Variants in TNF observed in about 807,000 individuals in gnomAD.
TNF encodes the protein tumor necrosis factor.
Under a neutral mutation model 21.8 loss-of-function variants are expected in TNF, and 7 were observed. The observed-to-expected ratio is 0.32, with a 90% CI of 0.18 to 0.60. TNF has a LOEUF of 0.60. Ranked by LOEUF, TNF falls within the 20% of genes least tolerant of loss-of-function variation. The pLI, the probability that TNF is intolerant of heterozygous loss-of-function variation, is 0.84. For synonymous variants in TNF, 123 were observed against 130.2 expected, an observed-to-expected ratio of 0.94 and a Z score of 0.38; for missense variants, 216 against 296.6, an observed-to-expected ratio of 0.73 and a Z score of 2.00.
In TNF at chr6:31,577,371, G is replaced by A. The variant is rs1771235417; in HGVS notation, c.536G>A (p.Arg179Lys). 6.2e-7 allele frequency: 1 copy of A among 1,613,006 alleles called. No homozygotes were observed. Among genetic ancestry groups the A allele is most frequent in the South Asian group, 1.1e-5 (1 of 91,094 alleles). The change falls in exon 4 of 4, where the codon AGG becomes AAG. Residue 179 changes from arginine to lysine, a missense_variant. By Grantham distance (26) the Arg-to-Lys change is conservative (BLOSUM62 2). This residue lies in a region of TNF where 98 missense variants were observed against 169.6 expected (regional missense o/e 0.58). Transcript: ENST00000449264. The surrounding 1 kb of genome is among the most constrained non-coding windows in gnomAD (Gnocchi z 7.7). The stretch of plus-strand genomic sequence containing the variant: ...TCTGCCATCAAGAGCCCCTGCCAGA[G>A]GGAGACCCCAGAGGGGGCTGAGGCC... The part of the protein sequence containing the change: ...LLSAIKSPCQ[R>K]ETPEGAEAKP...
chr6:31,576,969 C>A, intron 3 of TNF, 147 bp from the exon 4 acceptor site: 1 of 1,354,062 alleles, frequency 7.4e-7, no homozygotes. Context: ...GTGGGATACT[C>A]AGAACGTCAT....
In TNF at chr6:31,575,604, AAG is replaced by A. The variant is rs4647199; in HGVS notation, c.-135_-134del. 2 of 771,934 alleles carry A rather than the reference AAG, an allele frequency of 2.6e-6. No homozygotes were observed. The highest frequency in any genetic ancestry group is 1.9e-5 in the South Asian group (1 of 52,964). 47.8% of individuals were successfully genotyped at this position (771,934 alleles called of 1,614,324 possible). Reference sequence around the variant, plus strand: ...CAGCAAGGACAGCAGAGGACCAGCTAAGAGGGAGAGAAGCAACTACAGACCCC... The same window carrying A: ...CAGCAAGGACAGCAGAGGACCAGCTAAGGGAGAGAAGCAACTACAGACCCC... On this transcript the variant is annotated 5_prime_UTR_variant, in exon 1 of 4. Transcript: ENST00000449264. This position sits in a 1 kb window ranked among gnomAD's most constrained non-coding sequence, Gnocchi z 6.2.
Position 31,576,526 on chromosome 6 carries a change from C to T in TNF, c.187-8C>T, listed in dbSNP as rs1447861214. On this transcript the variant is annotated splice_polypyrimidine_tract_variant and splice_region_variant and intron_variant, in intron 1 of 3. Transcript: ENST00000449264. ...CTCGATGTTAACCATTCTCCTTCTC[C>T]CCAACAGTTCCCCAGGGACCTCTCT... 2.5e-6 allele frequency: 4 copies of T among 1,613,662 alleles called. No homozygotes were observed. The highest frequency in any genetic ancestry group is 3.4e-6 in the Non-Finnish European group (4 of 1,179,868).
rs749414660 is a variant in TNF at position 31,576,522 on chromosome 6, T to G, written c.187-12T>G. 28 of 1,613,350 alleles carry G rather than the reference T, an allele frequency of 1.7e-5. No individual in the cohort carries two copies. In the Admixed American group the frequency reaches 4.7e-4, roughly 27 times the overall value. On this transcript the variant is annotated splice_polypyrimidine_tract_variant and intron_variant, in intron 1 of 3. Transcript: ENST00000449264. ...CTCCCTCGATGTTAACCATTCTCCTTCTCCCCAACAGTTCCCCAGGGACCT... is the reference window on the plus strand; with the variant it reads ...CTCCCTCGATGTTAACCATTCTCCTGCTCCCCAACAGTTCCCCAGGGACCT...
intron 3 of TNF, 49 bp downstream of exon 3, chr6:31,576,863 G>A: frequency 6.2e-7 from 1 of 1,602,946 alleles, no homozygotes; most frequent in Non-Finnish European, 8.5e-7. Flanking sequence ...TAGGATTTGG[G>A]GATTGAAGCC....
Position 31,575,853 on chromosome 6 carries a change from T to C in TNF, c.112T>C (p.Phe38Leu), listed in dbSNP as rs757794184. 3 of 1,611,920 alleles carry C rather than the reference T, an allele frequency of 1.9e-6. No homozygotes were observed. The highest frequency in any genetic ancestry group is 1.7e-4 in the Middle Eastern group (1 of 6,044). ...GTGCTTGTTCCTCAGCCTCTTCTCC[T>C]TCCTGATCGTGGCAGGCGCCACCAC... Reference protein sequence around the residue: ...RRCLFLSLFSFLIVAGATTLF... With the variant: ...RRCLFLSLFSLLIVAGATTLF... Residue 38 changes from phenylalanine (F) to leucine (L), a missense_variant, in exon 1 of 4, where the codon TTC becomes CTC. Phe to Leu is a conservative substitution (Grantham distance 22). This residue lies in a region of TNF where 118 missense variants were observed against 127.1 expected (regional missense o/e 0.93). Transcript: ENST00000449264. The surrounding 1 kb of genome is among the most constrained non-coding windows in gnomAD (Gnocchi z 6.2).
At position 31,576,552 on chromosome 6, in the gene TNF, C is replaced by G. The variant is rs759609722; in HGVS notation, c.205C>G (p.Leu69Val). 16 of 1,613,782 alleles carry G rather than the reference C, an allele frequency of 9.9e-6. No homozygotes were observed. The highest frequency in any genetic ancestry group is 1.4e-5 in the Non-Finnish European group (16 of 1,179,996). The change falls in exon 2 of 4, where the codon CTA becomes GTA. Residue 69 changes from leucine (L) to valine (V), a missense_variant. By Grantham distance (32) the Leu-to-Val change is conservative. Coordinates refer to ENST00000449264, the MANE Select transcript of TNF (RefSeq NM_000594.4). ...QREEFPRDLS[L>V]ISPLAQAVRS... ...CCAACAGTTCCCCAGGGACCTCTCT[C>G]TAATCAGCCCTCTGGCCCAGGCAGT...
At chr6:31,576,038 A>G in intron 1 of TNF, 111 bp downstream of exon 1, 1 of 1,176,484 alleles carries the variant, frequency 8.5e-7, no homozygotes. Context: ...GGAGGGATGG[A>G]GAGAAAAAAA....
rs780711335 is a variant in TNF at position 31,577,480 on chromosome 6, C to G, written c.645C>G (p.Pro215=). Residue 215 remains proline, a synonymous_variant, in exon 4 of 4, where the codon CCC becomes CCG. Coordinates refer to ENST00000449264, the MANE Select transcript of TNF (RefSeq NM_000594.4). This position sits in a 1 kb window ranked among gnomAD's most constrained non-coding sequence, Gnocchi z 7.7. ...GACTCAGCGCTGAGATCAATCGGCC[C>G]GACTATCTCGACTTTGCCGAGTCTG... ...GDRLSAEINR[P]DYLDFAESGQ... The G allele has an allele frequency of 6.2e-7, 1 of 1,613,058 alleles. No homozygotes were observed. Among genetic ancestry groups the G allele is most frequent in the Non-Finnish European group, 8.5e-7 (1 of 1,180,026 alleles).
At position 31,575,970 on chromosome 6, in the gene TNF, G is replaced by A. The variant is rs1436580177; in HGVS notation, c.186+43G>A. 4 of 1,444,634 alleles carry A rather than the reference G, an allele frequency of 2.8e-6. No individual in the cohort carries two copies. Among genetic ancestry groups the A allele is most frequent in the Non-Finnish European group, 1.8e-6 (2 of 1,091,618 alleles). 89.5% of individuals were successfully genotyped at this position (1,444,634 alleles called of 1,614,324 possible). ...CTTCATCCACTCTCCCACCCAAGGGGAAATGGAGACGCAAGAGAGGGAGAG... is the reference window on the plus strand; with the variant it reads ...CTTCATCCACTCTCCCACCCAAGGGAAAATGGAGACGCAAGAGAGGGAGAG... On this transcript the variant is annotated intron_variant, in intron 1 of 3. Transcript: ENST00000449264. The surrounding 1 kb of genome is among the most constrained non-coding windows in gnomAD (Gnocchi z 6.2).
chr6:31,576,765 A>C lies in TNF; in HGVS notation c.233-2A>C. The C allele has an allele frequency of 6.2e-7, 1 of 1,613,018 alleles. No homozygotes were observed. The highest frequency in any genetic ancestry group is 8.5e-7 in the Non-Finnish European group (1 of 1,180,014). On this transcript the variant is annotated splice_acceptor_variant, in intron 2 of 3. Transcript: ENST00000449264. LOFTEE classifies it high-confidence loss of function. ...GCTTTTTCTTTTCTCTCTCCTCTTC[A>C]GGATCATCTTCTCGAACCCCGAGTG... is the stretch of plus-strand genomic sequence containing the variant.
In TNF at chr6:31,576,884, T is replaced by C. The variant is rs1159397538; in HGVS notation, c.280+70T>C. 9.6e-6 allele frequency: 15 copies of C among 1,564,744 alleles called. No homozygotes were observed. In the South Asian group the frequency reaches 1.0e-4, roughly 10 times the overall value. ...TTGGGGATTGAAGCCCGGCTGATGG[T>C]AGGCAGAACTTGGAGACAATGTGAG... On this transcript the variant is annotated intron_variant, in intron 3 of 3. Coordinates refer to ENST00000449264, the MANE Select transcript of TNF (RefSeq NM_000594.4).
Position 31,575,761 on chromosome 6 carries a change from T to A in TNF, c.20T>A (p.Ile7Asn). ...GACACCATGAGCACTGAAAGCATGA[T>A]CCGGGACGTGGAGCTGGCCGAGGAG... Reference protein sequence around the residue: MSTESMIRDVELAEEAL... With the variant: MSTESMNRDVELAEEAL... Residue 7 changes from isoleucine to asparagine, a missense_variant, in exon 1 of 4, where the codon ATC (isoleucine) becomes AAC (asparagine). Around this residue, in one of 2 missense-constraint regions of TNF, gnomAD observed 118 missense variants for 127.1 expected, o/e 0.93. Coordinates refer to ENST00000449264, the MANE Select transcript of TNF (RefSeq NM_000594.4). The surrounding 1 kb of genome is among the most constrained non-coding windows in gnomAD (Gnocchi z 6.2). 6.2e-7 allele frequency: 1 copy of A among 1,600,164 alleles called. No homozygotes were observed. Among genetic ancestry groups the A allele is most frequent in the South Asian group, 1.1e-5 (1 of 89,306 alleles).
At chr6:31,576,439 C>T in intron 1 of TNF, 95 bp from the exon 2 acceptor site, 2 of 1,249,048 alleles carry the variant, frequency 1.6e-6, no homozygotes, top group Non-Finnish European at 2.3e-6. Context: ...AAACCAGACA[C>T]CTCAGGGCTA....
rs775314803 is a variant in TNF, at chr6:31,577,268, TGCCCCTCCACCCA to T, written c.434_446del (p.Cys145LeufsTer173). 6.2e-7 allele frequency: 1 copy of T among 1,613,194 alleles called. No individual in the cohort carries two copies. ...CCAGGTCCTCTTCAAGGGCCAAGGCTGCCCCTCCACCCATGTGCTCCTCACCCACACCATCAGC... is the reference window on the plus strand; with the variant it reads ...CCAGGTCCTCTTCAAGGGCCAAGGCTTGTGCTCCTCACCCACACCATCAGC... On this transcript the variant is annotated frameshift_variant, in exon 4 of 4. Transcript: ENST00000449264. LOFTEE classifies it high-confidence loss of function. This position sits in a 1 kb window ranked among gnomAD's most constrained non-coding sequence, Gnocchi z 7.7.
In TNF at chr6:31,575,724, TC is replaced by T; in HGVS notation, c.-14del. ...TACTGACCCACGGCTCCACCCTCTCTCCCCTGGAAAGGACACCATGAGCACT... is the reference window on the plus strand; with the variant it reads ...TACTGACCCACGGCTCCACCCTCTCTCCCTGGAAAGGACACCATGAGCACT... On this transcript the variant is annotated 5_prime_UTR_variant, in exon 1 of 4. Transcript: ENST00000449264. The surrounding 1 kb of genome is among the most constrained non-coding windows in gnomAD (Gnocchi z 6.2). The T allele has an allele frequency of 1.3e-6, 2 of 1,542,216 alleles. No individual in the cohort carries two copies. Among genetic ancestry groups the T allele is most frequent in the Non-Finnish European group, 1.7e-6 (2 of 1,144,488 alleles).
In TNF at chr6:31,576,768, A is replaced by T; in HGVS notation, c.234A>T (p.Arg78Ser). ...SLISPLAQAV[R>S]SSSRTPSDKP... is the part of the protein sequence containing the mutation. ...TTTTCTTTTCTCTCTCCTCTTCAGGATCATCTTCTCGAACCCCGAGTGACA... is the reference window on the plus strand; with the variant it reads ...TTTTCTTTTCTCTCTCCTCTTCAGGTTCATCTTCTCGAACCCCGAGTGACA... Residue 78 changes from arginine (R) to serine (S), a missense_variant and splice_region_variant, in exon 3 of 4, where the codon AGA (arginine) becomes AGT (serine). Physicochemically the swap from Arg to Ser is moderately radical, Grantham distance 110. Transcript: ENST00000449264. 2 of 1,612,970 alleles carry T rather than the reference A, an allele frequency of 1.2e-6. No individual in the cohort carries two copies. Among genetic ancestry groups the T allele is most frequent in the Non-Finnish European group, 1.7e-6 (2 of 1,180,008 alleles).
intron 1 of TNF, 28 bp from the exon 2 acceptor site, chr6:31,576,506 T>G: frequency 6.2e-7 from 1 of 1,610,674 alleles, no homozygotes. Context: ...ACTCCCTCGA[T>G]GTTAACCATT....
Position 31,576,822 on chromosome 6 carries a change from C to CT in TNF, c.280+9dup, listed in dbSNP as rs769637264. On this transcript the variant is annotated intron_variant, in intron 3 of 3. Transcript: ENST00000449264. ...CTGTAGCCCATGTTGTAGGTAAGAG[C>CT]TCTGAGGATGTGTCTTGGAACTTGG... is the stretch of plus-strand genomic sequence containing the variant. 1 of 1,612,990 alleles carries CT rather than the reference C, an allele frequency of 6.2e-7. No individual in the cohort carries two copies. The highest frequency in any genetic ancestry group is 2.2e-5 in the East Asian group (1 of 44,882).
Sources: gnomAD v4.1 joint callset for allele counts on GRCh38, gnomAD v4.1.1 for gene constraint, gnomAD v4.1.1 regional missense constraint, Gnocchi (gnomAD v3.1) non-coding constraint, MANE v1.5 for transcripts, NCBI Gene and HGNC (gene_info 2026-07-23, HGNC 2026-07-21) for gene names.